Variants in BCORL1 observed in about 807,000 individuals in gnomAD.
BCORL1 encodes BCL6 corepressor like 1, also known as BCL-6 corepressor-like protein 1.
In BCORL1, 7 loss-of-function variants were observed where a neutral mutation model predicts 87.6. The observed-to-expected ratio is 0.08, with a 90% CI of 0.05 to 0.15. The LOEUF (loss-of-function observed/expected upper bound fraction) is 0.15, where lower values mean the gene tolerates loss of function less well. Among genes scored for constraint, BCORL1 ranks in the 10% least tolerant of loss-of-function variants. The pLI is 1.00. For missense variants in BCORL1, 1,215 were observed against 1,499.7 expected, an observed-to-expected ratio of 0.81 and a Z score of 3.13; for synonymous variants, 591 against 634.4, an observed-to-expected ratio of 0.93 and a Z score of 1.03.
At chrX:129,999,451 G>A (rs917767600) in intron 1 of BCORL1, among the ~76,000 whole-genome samples, 2 of 105,680 alleles carry the variant, frequency 1.9e-5, no homozygotes, top group African/African-American at 6.9e-5. Context: ...AGGGACCACA[G>A]GTTTGCACAG....
At chrX:130,028,970 G>C in intron 8 of BCORL1, 109 bp downstream of exon 8, 1 of 624,642 alleles carries the variant, frequency 1.6e-6, no homozygotes, top group South Asian at 2.9e-5. Flanking sequence ...ATTTAGTAAG[G>C]CATTCTCAAA....
At chrX:130,037,029 C>G (rs949298258) in intron 9 of BCORL1, among the ~76,000 whole-genome samples, 1 of 111,524 alleles carries the variant, frequency 9.0e-6, no homozygotes, top group Non-Finnish European at 1.9e-5. Flanking sequence ...GCCTGTAGCT[C>G]CAGCTACTTG....
In BCORL1 at chrX:130,020,982, C is replaced by T; in HGVS notation, c.3442-3C>T. ...TCAGACCTGACCCTCTACCTCTCCA[C>T]AGTGCCGGAAGCTGCCCAGTGACCC... On this transcript the variant is annotated splice_region_variant and splice_polypyrimidine_tract_variant and intron_variant, in intron 4 of 13. Transcript: ENST00000540052. The T allele has an allele frequency of 8.6e-7, 1 of 1,161,154 alleles. No individual in the cohort carries two copies. Among genetic ancestry groups the T allele is most frequent in the Non-Finnish European group, 1.1e-6 (1 of 877,008 alleles).
chrX:129,986,773 C>G (rs1303559964), intron 1 of BCORL1, among the ~76,000 whole-genome samples: 8 of 111,178 alleles, frequency 7.2e-5, no homozygotes, highest in African/African-American at 2.3e-4. Context: ...GTGCCAAGAT[C>G]GTGCCACTGC....
At chrX:130,044,682 T>C (rs1278679171) in intron 11 of BCORL1, among the ~76,000 whole-genome samples, 4 of 110,484 alleles carry the variant, frequency 3.6e-5, no homozygotes, top group African/African-American at 1.3e-4. Flanking sequence ...GCTAATTTTG[T>C]TTTTTCAGTA....
At chrX:129,999,684 T>TC (rs752561238) in intron 1 of BCORL1, among the ~76,000 whole-genome samples, 954 of 90,836 alleles carry the variant, frequency 0.011, 8 homozygotes, top group Middle Eastern at 0.03. Context: ...TAATTCTTTT[T>TC]CCCCCCCCCC....
chrX:130,032,983 G>A (rs1254810057), intron 8 of BCORL1, among the ~76,000 whole-genome samples: 2 of 109,004 alleles, frequency 1.8e-5, no homozygotes, highest in African/African-American at 3.3e-5. Flanking sequence ...GGCTAATCTC[G>A]AACTCCTGAC....
intron 1 of BCORL1, among the ~76,000 whole-genome samples, chrX:129,985,178 C>T (rs956624784): frequency 8.9e-6 from 1 of 111,966 alleles, no homozygotes; most frequent in East Asian, 2.8e-4. Flanking sequence ...CTCAAAAGCA[C>T]GCCGTTGAGT....
At chrX:130,008,264 A>ATTT (rs372463348) in intron 2 of BCORL1, among the ~76,000 whole-genome samples, 1 of 94,256 alleles carries the variant, frequency 1.1e-5, no homozygotes, top group African/African-American at 3.9e-5. Flanking sequence ...TTAAGAGGAC[A>ATTT]TTTTTTTTTT....
At position 130,028,703 on chromosome X, in the gene BCORL1, C is replaced by G; in HGVS notation, c.4147C>G (p.Leu1383Val). ...SLEHRLRNRNLLLPNKVQGIS... is the reference protein window; with the variant it reads ...SLEHRLRNRNVLLPNKVQGIS... ...GGAGCACCGCCTCAGGAACAGGAAC[C>G]TTCTCTTGCCCAACAAAGTCCAGGG... is the stretch of plus-strand genomic sequence containing the variant. Residue 1383 changes from leucine (L) to valine (V), a missense_variant, in exon 8 of 14, where the codon CTT (leucine) becomes GTT (valine). By Grantham distance (32) the Leu-to-Val change is conservative. Around this residue, in one of 5 missense-constraint regions of BCORL1, gnomAD observed 166 missense variants for 196.5 expected, o/e 0.84. Transcript: ENST00000540052. The G allele has an allele frequency of 8.3e-7, 1 of 1,211,191 alleles. No homozygotes were observed.
chrX:130,003,372 TTC>T (rs1283557205), intron 1 of BCORL1, among the ~76,000 whole-genome samples: 9 of 99,310 alleles, frequency 9.1e-5, no homozygotes, highest in Non-Finnish European at 1.4e-4. Context: ...CTTCTTCTTC[TTC>T]TTTTTTTTTT....
At position 130,013,323 on chromosome X, in the gene BCORL1, C is replaced by A; in HGVS notation, c.551C>A (p.Pro184His). ...TTGGCAACTCTGGGAACTGGAGTCC[C>A]TGTGGAGGGGACCCTGCCCCTGGTT... ...FILATLGTGV[P>H]VEGTLPLVTT... The change falls in exon 4 of 14, where the codon CCT becomes CAT. Residue 184 changes from proline (P) to histidine (H), a missense_variant. Around this residue, in one of 5 missense-constraint regions of BCORL1, gnomAD observed 861 missense variants for 1,010.0 expected, o/e 0.85. Coordinates refer to ENST00000540052, the MANE Select transcript of BCORL1 (RefSeq NM_001379451.1). 1 of 1,212,032 alleles carries A rather than the reference C, an allele frequency of 8.3e-7. No homozygotes were observed. Among genetic ancestry groups the A allele is most frequent in the Non-Finnish European group, 1.1e-6 (1 of 895,531 alleles).
chrX:130,054,719 C>T (rs1366705639), intron 13 of BCORL1, among the ~76,000 whole-genome samples: 2 of 110,320 alleles, frequency 1.8e-5, no homozygotes, highest in Non-Finnish European at 3.8e-5. Flanking sequence ...TGAGACCAAC[C>T]TGGCCAACAT....
intron 8 of BCORL1, among the ~76,000 whole-genome samples, chrX:130,033,643 A>C (rs1930758718): frequency 8.9e-6 from 1 of 111,894 alleles, no homozygotes; most frequent in Admixed American, 9.5e-5. Flanking sequence ...TGGATGTGGA[A>C]GGAAGGTTTT....
In BCORL1 at chrX:130,014,868, C is replaced by T. The variant is rs758775339; in HGVS notation, c.2096C>T (p.Pro699Leu). ...IFPEIVRNGDPSTWVKNSTAL... is the reference protein window; with the variant it reads ...IFPEIVRNGDLSTWVKNSTAL... ...CCCGAGATCGTGAGGAATGGGGACC[C>T]GAGCACCTGGGTGAAGAACTCAACT... Residue 699 changes from proline (P) to leucine (L), a missense_variant, in exon 4 of 14, where the codon CCG becomes CTG. Coordinates refer to ENST00000540052, the MANE Select transcript of BCORL1 (RefSeq NM_001379451.1). The T allele has an allele frequency of 4.1e-6, 5 of 1,209,410 alleles. No individual in the cohort carries two copies. The African/African-American group carries it at 5.3e-5, about 13-fold the overall frequency.
At chrX:130,006,567 GC>G (rs1378725220) in intron 2 of BCORL1, among the ~76,000 whole-genome samples, 3 of 110,680 alleles carry the variant, frequency 2.7e-5, no homozygotes, top group Non-Finnish European at 5.7e-5. Flanking sequence ...CACCATGTTA[GC>G]CAGGATGGTC....
chrX:130,044,340 A>G (rs988957190), intron 11 of BCORL1, among the ~76,000 whole-genome samples: 2 of 111,188 alleles, frequency 1.8e-5, no homozygotes, highest in African/African-American at 6.5e-5. Context: ...CCAGCTGGGC[A>G]GAAAATGAAG....
chrX:130,041,245 C>T (rs1293695203), intron 11 of BCORL1, among the ~76,000 whole-genome samples: 2 of 97,711 alleles, frequency 2.0e-5, no homozygotes, highest in Non-Finnish European at 4.0e-5. Flanking sequence ...GGTGACTGCA[C>T]TCCAGCCTGG....
At chrX:130,041,853 T>C (rs375183616) in intron 11 of BCORL1, among the ~76,000 whole-genome samples, 3 of 111,637 alleles carry the variant, frequency 2.7e-5, no homozygotes, top group African/African-American at 9.7e-5. Context: ...GGTCTCGATC[T>C]CCTGACCTCG....
Sources: allele counts gnomAD v4.1 joint callset (sites outside exome capture counted in the v4.1 genomes callset), GRCh38; gene constraint gnomAD v4.1.1; regional missense constraint gnomAD v4.1.1; transcripts MANE v1.5; gene names NCBI Gene and HGNC (gene_info 2026-07-23, HGNC 2026-07-21).